DHRSX: variants seen among roughly 807,000 people sequenced by gnomAD.
The protein encoded by DHRSX is polyprenol dehydrogenase.
Under a neutral mutation model 34.0 loss-of-function variants are expected in DHRSX, and 31 were observed. The ratio of observed to expected loss-of-function variants is 0.91; its 90% confidence interval spans 0.69 to 1.23. DHRSX has a LOEUF of 1.23. Ranked by LOEUF, DHRSX falls within the 50% of genes most tolerant of loss-of-function variation. The pLI is 0.00. For missense variants in DHRSX, 414 were observed against 428.1 expected (o/e 0.97, Z 0.29); for synonymous variants, 201 against 183.8 (o/e 1.09, Z -0.76).
Position 2,494,725 on chromosome X carries a change from G to A in DHRSX, c.109+6092C>T, listed in dbSNP as rs181993666. Among the ~76,000 whole-genome samples the A allele has an allele frequency of 1.1e-4, 17 of 151,570 alleles. No individual in the cohort carries two copies. In the East Asian group the frequency reaches 3.3e-3, roughly 30 times the overall value. ...CTATTCTTATTATTACTATTTGGCT[G>A]AAAAAAGGTTCTGGTACCTAGAGCC... On this transcript the variant is annotated intron_variant, in intron 1 of 6. Coordinates refer to ENST00000334651, the MANE Select transcript of DHRSX (RefSeq NM_145177.3).
chrX:2,380,778 C>T (rs1236376264), intron 3 of DHRSX, among the ~76,000 whole-genome samples: 16 of 152,292 alleles, frequency 1.1e-4, no homozygotes, highest in Admixed American at 9.2e-4. Context: ...GACTCAAGGT[C>T]GCCATGTGCT....
chrX:2,220,817 C>A lies in DHRSX; in HGVS notation c.*224G>T. The A allele has an allele frequency of 2.1e-6, 1 of 484,646 alleles. No individual in the cohort carries two copies. The highest frequency in any genetic ancestry group is 3.0e-5 in the East Asian group (1 of 33,372). 30.0% of individuals were successfully genotyped at this position (484,646 alleles called of 1,614,324 possible). A position where few individuals can be genotyped will look rare whatever the true frequency, so the allele number is the denominator to read the frequency against. On this transcript the variant is annotated 3_prime_UTR_variant, in exon 7 of 7. Transcript: ENST00000334651. ...CTGTGACAACTGGGCACTTTGGAAT[C>A]ACAAAGTTTATGGTTGAAGACCACT...
rs866432028 is a variant in DHRSX at position 2,500,971 on chromosome X, C to T, written c.-46G>A. ...CGCCGCTTCCGCGCCGCCCGCGGGA[C>T]TCTGCGCCCGCCCGCCCGGACGGAC... On this transcript the variant is annotated 5_prime_UTR_variant, in exon 1 of 7. Coordinates refer to ENST00000334651, the MANE Select transcript of DHRSX (RefSeq NM_145177.3). 5.8e-5 allele frequency: 56 copies of T among 969,180 alleles called. No homozygotes were observed. Among genetic ancestry groups the T allele is most frequent in the Non-Finnish European group, 5.8e-5 (47 of 809,288 alleles). 60.0% of individuals were successfully genotyped at this position (969,180 alleles called of 1,614,324 possible).
chrX:2,267,802 T>C (rs1369403810), intron 4 of DHRSX, among the ~76,000 whole-genome samples: 2 of 151,662 alleles, frequency 1.3e-5, no homozygotes, highest in Non-Finnish European at 2.9e-5. Flanking sequence ...AAAAAATTAG[T>C]GGGTGTGGTG....
chrX:2,289,849 A>G (rs765823573), intron 4 of DHRSX, among the ~76,000 whole-genome samples: 1 of 152,322 alleles, frequency 6.6e-6, no homozygotes, highest in South Asian at 2.1e-4. Context: ...GCAAATCTGA[A>G]AAGTGTTATT....
rs149895308 is a variant in DHRSX, at chrX:2,400,317, G to A, written c.286+8428C>T. ...TCACATCATCCTTTTTCCAAGTTTC[G>A]CAACCTCCTTAACAATCCTTCTACC... On this transcript the variant is annotated intron_variant, in intron 3 of 6. Coordinates refer to ENST00000334651, the MANE Select transcript of DHRSX (RefSeq NM_145177.3). Among the ~76,000 whole-genome samples, 253 of 152,148 alleles carry A rather than the reference G, an allele frequency of 1.7e-3. 2 individuals are homozygous for A. In the East Asian group the frequency reaches 0.043, roughly 26 times the overall value.
rs906937315 is a variant in DHRSX at position 2,471,289 on chromosome X, G to T, written c.109+29528C>A. On this transcript the variant is annotated intron_variant, in intron 1 of 6. Coordinates refer to ENST00000334651, the MANE Select transcript of DHRSX (RefSeq NM_145177.3). ...ATGTGCTCAAGGTGTATCCACACTG[G>T]GCTGGGCGCGGTCACGCCTGTCATC... Among the ~76,000 whole-genome samples the T allele has an allele frequency of 2.0e-5, 3 of 152,276 alleles. No individual in the cohort carries two copies. In the East Asian group the frequency reaches 5.8e-4, roughly 29 times the overall value.
intron 1 of DHRSX, among the ~76,000 whole-genome samples, chrX:2,426,419 A>G (rs934156289): frequency 1.1e-5 from 1 of 94,826 alleles, no homozygotes; most frequent in Non-Finnish European, 2.1e-5. Flanking sequence ...TTCTTCCTTC[A>G]TTCCTTCCTT....
chrX:2,291,896 A>ATTTTTTTTTTT (rs928376249), intron 3 of DHRSX, among the ~76,000 whole-genome samples: 55 of 96,078 alleles, frequency 5.7e-4, no homozygotes, highest in Non-Finnish European at 8.2e-4. Flanking sequence ...GTATTTTTGT[A>ATTTTTTTTTTT]TTTTTTTTTT....
At chrX:2,243,455 T>A (rs927519710) in intron 5 of DHRSX, among the ~76,000 whole-genome samples, 12 of 152,164 alleles carry the variant, frequency 7.9e-5, no homozygotes, top group African/African-American at 2.7e-4. Context: ...TGGGGTCAGA[T>A]ATGTTAAATT....
intron 6 of DHRSX, among the ~76,000 whole-genome samples, chrX:2,238,160 G>A (rs995785833): frequency 7.2e-5 from 11 of 152,106 alleles, no homozygotes; most frequent in Non-Finnish European, 1.6e-4. Flanking sequence ...TGGAGACCCG[G>A]CTGGACAACA....
chrX:2,386,644 A>C (rs1424715647), intron 3 of DHRSX, among the ~76,000 whole-genome samples: 1 of 152,242 alleles, frequency 6.6e-6, no homozygotes, highest in Non-Finnish European at 1.5e-5. Flanking sequence ...ATTTTTTGCA[A>C]TAAGACAGCC....
At chrX:2,491,320 T>G (rs1302210145) in intron 1 of DHRSX, among the ~76,000 whole-genome samples, 1 of 152,218 alleles carries the variant, frequency 6.6e-6, no homozygotes, top group Non-Finnish European at 1.5e-5. Context: ...TCCACCCGCC[T>G]TGGCCTCCCA....
intron 3 of DHRSX, among the ~76,000 whole-genome samples, chrX:2,366,908 C>A (rs1054348018): frequency 3.3e-5 from 5 of 151,988 alleles, no homozygotes; most frequent in Non-Finnish European, 7.4e-5. Flanking sequence ...TTCGTGTGTA[C>A]AATATTCTCA....
intron 6 of DHRSX, among the ~76,000 whole-genome samples, chrX:2,242,366 T>C (rs892845481): frequency 1.3e-4 from 19 of 151,712 alleles, no homozygotes; most frequent in Non-Finnish European, 1.2e-4. Context: ...GGGGTGAGAA[T>C]GTACAAATAC....
intron 1 of DHRSX, among the ~76,000 whole-genome samples, chrX:2,492,583 G>A (rs981349491): frequency 6.6e-6 from 1 of 151,748 alleles, no homozygotes; most frequent in Non-Finnish European, 1.5e-5. Context: ...GAGATCATCC[G>A]GGATTTGAGT....
At chrX:2,420,482 C>T (rs759601550) in intron 2 of DHRSX, among the ~76,000 whole-genome samples, 39 of 151,612 alleles carry the variant, frequency 2.6e-4, no homozygotes, top group African/African-American at 8.2e-4. Flanking sequence ...CAGTGGCTCA[C>T]GCCTGTAATA....
At chrX:2,260,460 AT>A (rs772144524) in intron 5 of DHRSX, among the ~76,000 whole-genome samples, 17,708 of 123,996 alleles carry the variant, frequency 0.14, 3,120 homozygotes, top group African/African-American at 0.47. Context: ...TTTCTACTTC[AT>A]TTTTTTTTTT....
chrX:2,224,189 G>A (rs181130807), intron 6 of DHRSX, among the ~76,000 whole-genome samples: 2 of 152,312 alleles, frequency 1.3e-5, no homozygotes, highest in Admixed American at 6.5e-5. Context: ...TACCCGACCT[G>A]TGTCTTGACC....
Sources: allele counts gnomAD v4.1 joint callset (sites outside exome capture counted in the v4.1 genomes callset), GRCh38; gene constraint gnomAD v4.1.1; transcripts MANE v1.5; gene names NCBI Gene and HGNC (gene_info 2026-07-23, HGNC 2026-07-21).